The following DMD variants were observed in gnomAD, a reference collection of about 807,000 sequenced individuals.
DMD encodes the protein dystrophin.
DMD carries 63 observed loss-of-function variants against 330.1 expected under a neutral mutation model. The observed-to-expected ratio is 0.19, with a 90% CI of 0.16 to 0.24. The LOEUF (loss-of-function observed/expected upper bound fraction) is 0.24, where lower values mean the gene tolerates loss of function less well. Among genes scored for constraint, DMD ranks in the 10% least tolerant of loss-of-function variants. The pLI is 1.00. For missense variants in DMD, 3,344 were observed against 2,684.1 expected, an observed-to-expected ratio of 1.25 and a Z score of -5.43; for synonymous variants, 1,223 against 959.8, an observed-to-expected ratio of 1.27 and a Z score of -5.07.
At chrX:32,051,205 C>A (rs1339903421) in intron 44 of DMD, among the ~76,000 whole-genome samples, 1 of 109,892 alleles carries the variant, frequency 9.1e-6, no homozygotes, top group Non-Finnish European at 1.9e-5. Context: ...TAGACAAATG[C>A]ACACCAAATG....
intron 48 of DMD, among the ~76,000 whole-genome samples, chrX:31,856,833 A>G (rs2093620021): frequency 8.9e-6 from 1 of 112,401 alleles, no homozygotes; most frequent in African/African-American, 3.2e-5. Flanking sequence ...GGTCACATGA[A>G]TTATTAATTT....
chrX:33,197,761 A>G (rs1381902242), intron 1 of DMD, among the ~76,000 whole-genome samples: 1 of 111,598 alleles, frequency 9.0e-6, no homozygotes, highest in Non-Finnish European at 1.9e-5. Flanking sequence ...AATATTGAGT[A>G]TCAGTAGTTC....
chrX:32,141,457 A>G (rs1477070154), intron 44 of DMD, among the ~76,000 whole-genome samples: 1 of 108,798 alleles, frequency 9.2e-6, no homozygotes, highest in Non-Finnish European at 1.9e-5. Context: ...AAAAACAAAA[A>G]CAAAAACAAA....
intron 9 of DMD, among the ~76,000 whole-genome samples, chrX:32,685,059 T>A (rs1214637872): frequency 2.7e-5 from 3 of 111,646 alleles, no homozygotes; most frequent in Non-Finnish European, 5.7e-5. Context: ...TTTAAGAGCT[T>A]ATAAAAACTT....
At chrX:33,177,951 T>C (rs1029021111) in intron 1 of DMD, among the ~76,000 whole-genome samples, 2 of 112,215 alleles carry the variant, frequency 1.8e-5, no homozygotes, top group Non-Finnish European at 3.8e-5. Flanking sequence ...AACAGATGTA[T>C]TGATTTCTCC....
At chrX:32,463,042 A>G (rs2098389176) in intron 25 of DMD, among the ~76,000 whole-genome samples, 1 of 112,019 alleles carries the variant, frequency 8.9e-6, no homozygotes. Context: ...TATTTATCCT[A>G]TTTCTACATA....
chrX:31,149,859 T>C (rs2037183875), intron 74 of DMD, among the ~76,000 whole-genome samples: 2 of 112,059 alleles, frequency 1.8e-5, no homozygotes, highest in African/African-American at 3.2e-5. Context: ...ACAGTGGTTA[T>C]ATTTCCATTT....
chrX:32,077,273 A>G (rs1255795361), intron 44 of DMD, among the ~76,000 whole-genome samples: 1 of 110,761 alleles, frequency 9.0e-6, no homozygotes, highest in Non-Finnish European at 1.9e-5. Flanking sequence ...CTGCACCTTT[A>G]TATTAGGCAT....
chrX:31,753,659 T>A (rs1309652372), intron 51 of DMD, among the ~76,000 whole-genome samples: 1 of 112,049 alleles, frequency 8.9e-6, no homozygotes. Flanking sequence ...TGCTTTATTC[T>A]TTCTGATGAT....
intron 44 of DMD, among the ~76,000 whole-genome samples, chrX:32,200,833 T>C (rs761093640): frequency 1.8e-5 from 2 of 111,986 alleles, no homozygotes; most frequent in Admixed American, 9.5e-5. Context: ...CAGTATCTTA[T>C]GTGGCTAGGG....
In DMD at chrX:31,673,825, G is replaced by A. The variant is rs1485192114; in HGVS notation, c.7872+5550C>T. On this transcript the variant is annotated intron_variant, in intron 53 of 78. Coordinates refer to ENST00000357033, the MANE Select transcript of DMD (RefSeq NM_004006.3). ...TTTATATAATATAATAGTTACCTGGGGAAACTAGCCCATTACTACCTGTGT... is the reference window on the plus strand; with the variant it reads ...TTTATATAATATAATAGTTACCTGGAGAAACTAGCCCATTACTACCTGTGT... 6.3e-5 allele frequency among the ~76,000 whole-genome samples: 7 copies of A among 111,140 alleles called. No individual in the cohort carries two copies. The Admixed American group carries it at 6.7e-4, about 11-fold the overall frequency.
At chrX:31,439,114 A>C (rs1261773208) in intron 60 of DMD, among the ~76,000 whole-genome samples, 1 of 112,001 alleles carries the variant, frequency 8.9e-6, no homozygotes, top group Non-Finnish European at 1.9e-5. Context: ...ACCAGAGATA[A>C]TAATGGGTAC....
intron 55 of DMD, among the ~76,000 whole-genome samples, chrX:31,538,084 G>A (rs950354494): frequency 4.5e-5 from 5 of 111,616 alleles, no homozygotes; most frequent in African/African-American, 1.6e-4. Context: ...CGTCTAGCCC[G>A]CACATGTGCC....
intron 47 of DMD, among the ~76,000 whole-genome samples, chrX:31,925,329 C>G (rs1296937929): frequency 3.6e-5 from 4 of 111,077 alleles, no homozygotes; most frequent in Non-Finnish European, 7.5e-5. Flanking sequence ...GTCACATAAC[C>G]TTTCTAGGAC....
intron 1 of DMD, among the ~76,000 whole-genome samples, chrX:33,167,693 A>T (rs1433128277): frequency 1.8e-5 from 2 of 110,836 alleles, no homozygotes; most frequent in East Asian, 5.7e-4. Flanking sequence ...ACTTATATTC[A>T]AGCACAGGGG....
At chrX:31,798,872 T>G (rs1174199208) in intron 50 of DMD, among the ~76,000 whole-genome samples, 1 of 112,128 alleles carries the variant, frequency 8.9e-6, no homozygotes, top group Non-Finnish European at 1.9e-5. Flanking sequence ...TTATGAAGGT[T>G]TGGATGAGAC....
At chrX:32,502,744 C>T (rs1402665962) in intron 18 of DMD, among the ~76,000 whole-genome samples, 1 of 111,913 alleles carries the variant, frequency 8.9e-6, no homozygotes, top group Non-Finnish European at 1.9e-5. Context: ...GGTTATTCTA[C>T]ATGAGACTAT....
intron 44 of DMD, among the ~76,000 whole-genome samples, chrX:32,204,521 AACTTAT>A (rs2097055258): frequency 8.9e-6 from 1 of 111,784 alleles, no homozygotes; most frequent in Non-Finnish European, 1.9e-5. Flanking sequence ...AATTTTCTAA[AACTTAT>A]ACTTCCTTAC....
At chrX:32,737,178 T>C (rs2068628970) in intron 7 of DMD, among the ~76,000 whole-genome samples, 1 of 110,300 alleles carries the variant, frequency 9.1e-6, no homozygotes, top group African/African-American at 3.3e-5. Context: ...TTTTTTTTCT[T>C]GAAAACTCAG....
Sources: allele counts gnomAD v4.1 joint callset (sites outside exome capture counted in the v4.1 genomes callset), GRCh38; gene constraint gnomAD v4.1.1; transcripts MANE v1.5; gene names NCBI Gene and HGNC (gene_info 2026-07-23, HGNC 2026-07-21).